PCDH15: variants seen among roughly 807,000 people sequenced by gnomAD.
PCDH15 encodes the protein protocadherin related 15.
In PCDH15, 129 loss-of-function variants were observed where a neutral mutation model predicts 178.5. That is an observed-to-expected ratio of 0.72 (90% CI 0.63 to 0.84). The LOEUF is 0.84. Among genes scored for constraint, PCDH15 ranks in the 40% least tolerant of loss-of-function variants. The pLI, the probability that PCDH15 is intolerant of heterozygous loss-of-function variation, is 0.00. For missense variants in PCDH15, 2,230 were observed against 2,099.9 expected, an observed-to-expected ratio of 1.06 and a Z score of -1.21; for synonymous variants, 800 against 732.0, an observed-to-expected ratio of 1.09 and a Z score of -1.50.
chr10:54,403,049 A>C (rs980974175), intron 3 of PCDH15, among the ~76,000 whole-genome samples: 2 of 152,066 alleles, frequency 1.3e-5, no homozygotes, highest in African/African-American at 2.4e-5. Flanking sequence ...AAACTTCTTA[A>C]GGGAAACTAA....
At chr10:54,497,887 A>G (rs2080282362) in intron 3 of PCDH15, among the ~76,000 whole-genome samples, 1 of 152,152 alleles carries the variant, frequency 6.6e-6, no homozygotes, top group South Asian at 2.1e-4. Context: ...TATATTTGAG[A>G]ATATTGTCTA....
chr10:53,853,983 C>T (rs1273720283), intron 28 of PCDH15, among the ~76,000 whole-genome samples: 2 of 151,878 alleles, frequency 1.3e-5, no homozygotes, highest in East Asian at 1.9e-4. Flanking sequence ...CAGTATTATT[C>T]ACAATATCCA....
chr10:54,910,922 A>G (rs967498197), intron 2 of PCDH15, among the ~76,000 whole-genome samples: 1 of 152,206 alleles, frequency 6.6e-6, no homozygotes, highest in African/African-American at 2.4e-5. Flanking sequence ...TTGAGATGGG[A>G]CAGTGGAAAC....
intron 2 of PCDH15, among the ~76,000 whole-genome samples, chr10:55,132,887 C>T (rs7074283): frequency 0.012 from 1,813 of 152,248 alleles, 12 homozygotes; most frequent in African/African-American, 0.017. Flanking sequence ...AATTTAAGGA[C>T]GCTTTAAACT....
At chr10:54,095,080 G>C (rs1383011188) in intron 15 of PCDH15, among the ~76,000 whole-genome samples, 1 of 152,152 alleles carries the variant, frequency 6.6e-6, no homozygotes, top group Non-Finnish European at 1.5e-5. Flanking sequence ...AGGACATTAA[G>C]ACAAAGTAAC....
intron 3 of PCDH15, among the ~76,000 whole-genome samples, chr10:54,441,998 CT>C (rs2075818208): frequency 6.6e-6 from 1 of 151,732 alleles, no homozygotes; most frequent in Non-Finnish European, 1.5e-5. Flanking sequence ...TAATGAATCC[CT>C]GATAAATATT....
intron 3 of PCDH15, among the ~76,000 whole-genome samples, chr10:54,852,855 A>T (rs200020493): frequency 2.2e-4 from 32 of 147,328 alleles, no homozygotes; most frequent in African/African-American, 8.0e-4. Context: ...TCTGTCTCAA[A>T]AAAATAAAAT....
rs959581064 is a variant in PCDH15, at chr10:54,708,801, T to TGTGTGTGC, written c.-28-44512_-28-44511insGCACACAC. Among the ~76,000 whole-genome samples the TGTGTGTGC allele has an allele frequency of 7.7e-3, 969 of 125,660 alleles. 11 individuals carry two copies. Among genetic ancestry groups the TGTGTGTGC allele is most frequent in the African/African-American group, 0.026 (917 of 35,338 alleles). The allele number at this position is 125,660 out of a possible 152,430, so 82.4% of individuals were successfully genotyped here. ...TAACGTGTGTGTGTGTGTGTGTGTG[T>TGTGTGTGC]GCGCGCGCGTGCGTGTGGTCATCTT... On this transcript the variant is annotated intron_variant, in intron 1 of 37. Transcript: ENST00000644397.
intron 2 of PCDH15, among the ~76,000 whole-genome samples, chr10:54,581,148 A>G (rs1018856723): frequency 1.3e-5 from 2 of 152,068 alleles, no homozygotes; most frequent in Admixed American, 6.6e-5. Context: ...AAAAGCAGTC[A>G]AACTATTTCT....
At position 53,934,329 on chromosome 10, in the gene PCDH15, C is replaced by T. The variant is rs143147753; in HGVS notation, c.3373+4486G>A. Among the ~76,000 whole-genome samples the T allele has an allele frequency of 7.2e-5, 11 of 152,160 alleles. No individual in the cohort carries two copies. The East Asian group carries it at 1.6e-3, about 21-fold the overall frequency. ...CAGCATCACCTCACTCATGCCATCCCCACTGACCACAAGACTGTGCAAGCT... is the reference window on the plus strand; with the variant it reads ...CAGCATCACCTCACTCATGCCATCCTCACTGACCACAAGACTGTGCAAGCT... On this transcript the variant is annotated intron_variant, in intron 25 of 37. Coordinates refer to ENST00000644397, the MANE Select transcript of PCDH15 (RefSeq NM_001384140.1).
chr10:55,450,298 G>C (rs1839406360), intron 2 of PCDH15, among the ~76,000 whole-genome samples: 1 of 152,132 alleles, frequency 6.6e-6, no homozygotes, highest in South Asian at 2.1e-4. Context: ...AGGTCTCAAA[G>C]AGTCTGAAGG....
intron 2 of PCDH15, among the ~76,000 whole-genome samples, chr10:54,556,154 T>C (rs2087236887): frequency 6.6e-6 from 1 of 152,342 alleles, no homozygotes; most frequent in East Asian, 1.9e-4. Flanking sequence ...CAAAATTCTA[T>C]ATTATTTTAA....
intron 1 of PCDH15, among the ~76,000 whole-genome samples, chr10:55,284,589 TTACA>T (rs1289717800): frequency 2.0e-5 from 3 of 152,068 alleles, no homozygotes; most frequent in Non-Finnish European, 4.4e-5. Flanking sequence ...TTTTTCATTG[TTACA>T]TACCAATAAT....
At chr10:54,904,152 G>A (rs926173124) in intron 2 of PCDH15, among the ~76,000 whole-genome samples, 1 of 151,970 alleles carries the variant, frequency 6.6e-6, no homozygotes, top group African/African-American at 2.4e-5. Flanking sequence ...AAAATCATTG[G>A]TTGATTTTTG....
intron 2 of PCDH15, among the ~76,000 whole-genome samples, chr10:54,549,143 G>T (rs2086234495): frequency 6.6e-6 from 1 of 151,112 alleles, no homozygotes. Flanking sequence ...CCTTGGCTTT[G>T]TTAAGTCTGC....
intron 3 of PCDH15, among the ~76,000 whole-genome samples, chr10:54,812,621 G>C (rs987148730): frequency 6.6e-6 from 1 of 151,938 alleles, no homozygotes; most frequent in African/African-American, 2.4e-5. Flanking sequence ...ACCATGCCCA[G>C]GTAATTTTTA....
chr10:53,809,257 G>A (rs748994135), intron 37 of PCDH15: 18 of 1,613,798 alleles, frequency 1.1e-5, no homozygotes, highest in Non-Finnish European at 5.9e-6. Context: ...TTCCTCCTCT[G>A]ATTCTACAGT....
chr10:54,187,903 T>G (rs553140571), intron 11 of PCDH15, among the ~76,000 whole-genome samples: 125 of 151,956 alleles, frequency 8.2e-4, no homozygotes, highest in African/African-American at 2.9e-3. Context: ...TTTAATAATT[T>G]ATATTCATTT....
At chr10:55,055,431 A>G (rs1841272347) in intron 2 of PCDH15, among the ~76,000 whole-genome samples, 1 of 152,112 alleles carries the variant, frequency 6.6e-6, no homozygotes, top group African/African-American at 2.4e-5. Context: ...TGAAAGGAGA[A>G]CCACACTAGC....
Sources: gnomAD v4.1 joint callset for allele counts (sites outside exome capture counted in the v4.1 genomes callset) on GRCh38, gnomAD v4.1.1 for gene constraint, MANE v1.5 for transcripts, NCBI Gene and HGNC (gene_info 2026-07-23, HGNC 2026-07-21) for gene names.